NUDT12: variants seen among roughly 807,000 people sequenced by gnomAD.
The protein encoded by NUDT12 is nudix hydrolase 12, also known as NAD-capped RNA hydrolase NUDT12.
In NUDT12, 42 loss-of-function variants were observed where a neutral mutation model predicts 45.7. The ratio of observed to expected loss-of-function variants is 0.92; its 90% CI spans 0.72 to 1.19. The LOEUF (loss-of-function observed/expected upper bound fraction) is 1.19. Among genes scored for constraint, NUDT12 ranks in the 50% most tolerant of loss-of-function variants. NUDT12 has a pLI of 0.00. For synonymous variants in NUDT12, 206 were observed against 179.7 expected, an observed-to-expected ratio of 1.15 and a Z score of -1.17; for missense variants, 590 against 533.1, an observed-to-expected ratio of 1.11 and a Z score of -1.05.
intron 2 of NUDT12, chr5:103,559,779 G>A (rs1415610694): frequency 2.0e-6 from 1 of 510,746 alleles, no homozygotes; most frequent in Non-Finnish European, 3.4e-6. Context: ...TAGTCATAGT[G>A]AGATCTGCAT....
intron 1 of NUDT12, among the ~76,000 whole-genome samples, chr5:103,561,535 T>G (rs900637422): frequency 6.6e-6 from 1 of 152,192 alleles, no homozygotes; most frequent in Non-Finnish European, 1.5e-5. Context: ...ACAGAATAAT[T>G]TTTGATTTAT....
At position 103,549,851 on chromosome 5, in the gene NUDT12, T is replaced by C. The variant is rs1338514606; in HGVS notation, c.*1010A>G. On this transcript the variant is annotated 3_prime_UTR_variant, in exon 7 of 7. Coordinates refer to ENST00000230792, the MANE Select transcript of NUDT12 (RefSeq NM_031438.4). ...ATCTTACTGATTCAGCTCTAAAATATACTTACTTTGTCAAGGCTTCTTAGA... is the reference window on the plus strand; with the variant it reads ...ATCTTACTGATTCAGCTCTAAAATACACTTACTTTGTCAAGGCTTCTTAGA... 1 of 152,178 alleles carries C rather than the reference T, an allele frequency of 6.6e-6. No homozygotes were observed. Among genetic ancestry groups the C allele is most frequent in the Admixed American group, 6.5e-5 (1 of 15,268 alleles). The allele number at this position is 152,178 out of a possible 1,614,324, so 9.4% of individuals were successfully genotyped here. A position where few individuals can be genotyped will look rare whatever the true frequency, so the allele number is the denominator to read the frequency against.
intron 3 of NUDT12, among the ~76,000 whole-genome samples, chr5:103,556,970 A>C (rs953733028): frequency 9.2e-5 from 14 of 152,084 alleles, no homozygotes; most frequent in Non-Finnish European, 1.3e-4. Context: ...GTAACCTTGT[A>C]ATATGTAACT....
chr5:103,554,117 A>T (rs948117805), intron 5 of NUDT12, among the ~76,000 whole-genome samples: 1 of 152,112 alleles, frequency 6.6e-6, no homozygotes, highest in Non-Finnish European at 1.5e-5. Flanking sequence ...AATTGAGATA[A>T]AACATATTAA....
chr5:103,555,713 C>T (rs951129232), intron 4 of NUDT12, among the ~76,000 whole-genome samples: 9 of 151,992 alleles, frequency 5.9e-5, no homozygotes, highest in African/African-American at 2.2e-4. Context: ...CATAACATAT[C>T]AAATTATAGT....
chr5:103,560,966 G>A (rs958210771), intron 1 of NUDT12, among the ~76,000 whole-genome samples: 4 of 151,436 alleles, frequency 2.6e-5, no homozygotes, highest in East Asian at 1.9e-4. Flanking sequence ...TTTTTGTTTC[G>A]GTGGGGTAAA....
At position 103,556,037 on chromosome 5, in the gene NUDT12, G is replaced by T; in HGVS notation, c.858C>A (p.Thr286=). 6.2e-7 allele frequency: 1 copy of T among 1,611,970 alleles called. No individual in the cohort carries two copies. Among genetic ancestry groups the T allele is most frequent in the Non-Finnish European group, 8.5e-7 (1 of 1,178,686 alleles). ...AWHSRYKFCP[T]CGNATKIEEG... is the part of the protein sequence containing the mutation. ...CTTCAATTTTAGTTGCATTTCCACA[G>T]GTTGGGCAAAACTTGTATCGACTGT... is the stretch of plus-strand genomic sequence containing the variant. The change falls in exon 4 of 7, where the codon ACC becomes ACA. Residue 286 remains threonine, a synonymous_variant. Coordinates refer to ENST00000230792, the MANE Select transcript of NUDT12 (RefSeq NM_031438.4).
At chr5:103,553,196 G>T (rs918979367) in intron 5 of NUDT12, among the ~76,000 whole-genome samples, 6 of 151,762 alleles carry the variant, frequency 4.0e-5, no homozygotes, top group Non-Finnish European at 7.4e-5. Flanking sequence ...AACACATATA[G>T]TAAAAATATA....
At chr5:103,557,477 T>C (rs1748864238) in intron 3 of NUDT12, among the ~76,000 whole-genome samples, 1 of 151,804 alleles carries the variant, frequency 6.6e-6, no homozygotes, top group Non-Finnish European at 1.5e-5. Context: ...AACTTCCCAG[T>C]AACTCATCAG....
At chr5:103,557,281 A>G (rs13354169) in intron 3 of NUDT12, among the ~76,000 whole-genome samples, 1,648 of 11,986 alleles carry the variant, frequency 0.14, 69 homozygotes, top group African/African-American at 0.2. Context: ...TCTTAAAATG[A>G]TATATATATA....
At chr5:103,555,440 C>T (rs1748783672) in intron 4 of NUDT12, among the ~76,000 whole-genome samples, 1 of 151,948 alleles carries the variant, frequency 6.6e-6, no homozygotes, top group African/African-American at 2.4e-5. Flanking sequence ...TATTTTTCTC[C>T]CCAGAGGCCT....
At chr5:103,554,930 G>A (rs1404582217) in intron 4 of NUDT12, 77 bp from the exon 5 acceptor site, 3 of 567,682 alleles carry the variant, frequency 5.3e-6, no homozygotes, top group Non-Finnish European at 6.4e-6. Context: ...CTGTCTGATA[G>A]GATAATATAA....
rs1481937686 is a variant in NUDT12, at chr5:103,552,221, T to C, written c.1274A>G (p.Glu425Gly). The change falls in exon 6 of 7, where the codon GAA (glutamate) becomes GGA (glycine). Residue 425 changes from glutamate to glycine, a missense_variant. By Grantham distance (98) the Glu-to-Gly change is moderately conservative. Transcript: ENST00000230792. The stretch of plus-strand genomic sequence containing the variant: ...GGAAATTAAATTGAACTTTACCTGT[T>C]CTCTAGTGAACCAGCGGGCATCCTC... ...EIEDARWFTREQVLDVLTKGK... is the reference protein window; with the variant it reads ...EIEDARWFTRGQVLDVLTKGK... 6.2e-7 allele frequency: 1 copy of C among 1,611,838 alleles called. No individual in the cohort carries two copies. Among genetic ancestry groups the C allele is most frequent in the Non-Finnish European group, 8.5e-7 (1 of 1,178,110 alleles).
At chr5:103,553,624 A>T (rs773146337) in intron 5 of NUDT12, among the ~76,000 whole-genome samples, 1 of 152,122 alleles carries the variant, frequency 6.6e-6, no homozygotes, top group African/African-American at 2.4e-5. Context: ...TACTCTATGT[A>T]TATAACCTAG....
At chr5:103,560,606 G>C (rs1047554774) in intron 1 of NUDT12, among the ~76,000 whole-genome samples, 4 of 151,966 alleles carry the variant, frequency 2.6e-5, no homozygotes, top group Admixed American at 2.0e-4. Flanking sequence ...GGGGACATGA[G>C]GGGGAGAGCA....
chr5:103,552,174 C>T, intron 6 of NUDT12, 43 bp downstream of exon 6: 2 of 1,520,758 alleles, frequency 1.3e-6, no homozygotes, highest in Non-Finnish European at 1.8e-6. Flanking sequence ...CCAATACAGT[C>T]AGGGAACAAT....
At chr5:103,555,346 T>C (rs1386331061) in intron 4 of NUDT12, among the ~76,000 whole-genome samples, 2 of 152,082 alleles carry the variant, frequency 1.3e-5, no homozygotes, top group Admixed American at 6.6e-5. Context: ...ATTCAGCAAA[T>C]TCTTCTCACT....
intron 6 of NUDT12, among the ~76,000 whole-genome samples, 181 bp downstream of exon 6, chr5:103,552,036 T>C (rs567155516): frequency 1.4e-4 from 21 of 152,284 alleles, no homozygotes; most frequent in African/African-American, 5.1e-4. Context: ...TAAGTTAATA[T>C]AGATCACATT....
In NUDT12 at chr5:103,550,835, T is replaced by C; in HGVS notation, c.*26A>G. Reference sequence around the variant, plus strand: ...ATGAGTGTTATTAGAAATTATTAAATAATACTCAAAGCTTAGTTCTTAGAT... The same window carrying C: ...ATGAGTGTTATTAGAAATTATTAAACAATACTCAAAGCTTAGTTCTTAGAT... On this transcript the variant is annotated 3_prime_UTR_variant, in exon 7 of 7. Transcript: ENST00000230792. 2 of 1,467,322 alleles carry C rather than the reference T, an allele frequency of 1.4e-6. No individual in the cohort carries two copies. The highest frequency in any genetic ancestry group is 1.1e-5 in the South Asian group (1 of 88,024). The allele number at this position is 1,467,322 out of a possible 1,614,324, so 90.9% of individuals were successfully genotyped here. A position where few individuals can be genotyped will look rare whatever the true frequency, so the allele number is the denominator to read the frequency against.
Sources: gnomAD v4.1 joint callset for allele counts (sites outside exome capture counted in the v4.1 genomes callset) on GRCh38, gnomAD v4.1.1 for gene constraint, MANE v1.5 for transcripts, NCBI Gene and HGNC (gene_info 2026-07-23, HGNC 2026-07-21) for gene names.